APOL3: variants seen among roughly 807,000 people sequenced by gnomAD.
APOL3 encodes TNF-inducible protein CG12-1.
A neutral mutation model predicts 11.6 loss-of-function variants in APOL3; 14 were observed. The observed-to-expected ratio is 1.21, with a 90% CI of 0.80 to 1.89. The LOEUF (loss-of-function observed/expected upper bound fraction) is 1.89, where lower values mean the gene tolerates loss of function less well. Among genes scored for constraint, APOL3 ranks in the 40% most tolerant of loss-of-function variants. The pLI, the probability that APOL3 is intolerant of heterozygous loss-of-function variation, is 0.00. For missense variants in APOL3, 483 were observed against 492.1 expected (o/e 0.98, Z 0.17); for synonymous variants, 192 against 190.6 (o/e 1.01, Z -0.06).
At chr22:36,147,581 G>A (rs2060267521) in intron 1 of APOL3, among the ~76,000 whole-genome samples, 1 of 152,178 alleles carries the variant, frequency 6.6e-6, no homozygotes, top group South Asian at 2.1e-4. Context: ...GTCCAGGGCG[G>A]CTCCTGAGCA....
At chr22:36,153,547 G>A in intron 1 of APOL3, 1 of 379,982 alleles carries the variant, frequency 2.6e-6, no homozygotes, top group Middle Eastern at 5.0e-4. Context: ...TCAACATACG[G>A]GCTTCTTTTC....
In APOL3 at chr22:36,141,358, G is replaced by A. The variant is rs1249588397; in HGVS notation, c.1051C>T (p.Leu351=). ...TCGTATACAAGGTTGACCACATCCAGTGCAAGGAAGATGCCTGAAGTGGTC... is the reference window on the plus strand; with the variant it reads ...TCGTATACAAGGTTGACCACATCCAATGCAAGGAAGATGCCTGAAGTGGTC... The change falls in exon 3 of 3, where the codon CTG becomes TTG. Residue 351 remains leucine, a synonymous_variant. Transcript: ENST00000349314. The A allele has an allele frequency of 2.5e-6, 4 of 1,614,184 alleles. No individual in the cohort carries two copies. In the East Asian group the frequency reaches 6.7e-5, roughly 27 times the overall value.
chr22:36,153,221 T>C, intron 1 of APOL3: 1 of 329,368 alleles, frequency 3.0e-6, no homozygotes, highest in South Asian at 2.5e-5. Context: ...TATACACTTA[T>C]TAATTGATTT....
intron 1 of APOL3, chr22:36,149,479 C>A: frequency 9.6e-7 from 1 of 1,041,760 alleles, no homozygotes. Context: ...AACGTTCTGA[C>A]AATGACCTGG....
exon 3 of APOL3, chr22:36,141,257 C>T (rs1196722711): frequency 1.9e-6 from 3 of 1,614,114 alleles, no homozygotes; most frequent in Admixed American, 1.7e-5. Context: ...CCATTAGATT[C>T]TCCTCCAGCT....
intron 2 of APOL3, among the ~76,000 whole-genome samples, chr22:36,144,810 C>T (rs1305179512): frequency 6.6e-6 from 1 of 151,948 alleles, no homozygotes. Context: ...GAGATCAAGA[C>T]CATCCTGGCT....
chr22:36,155,379 T>G (rs2012596686), intron 1 of APOL3, among the ~76,000 whole-genome samples: 1 of 152,192 alleles, frequency 6.6e-6, no homozygotes, highest in Non-Finnish European at 1.5e-5. Flanking sequence ...CAAGGTCATG[T>G]GTAGAAGCAT....
chr22:36,159,071 G>A (rs2013377843), intron 1 of APOL3, among the ~76,000 whole-genome samples: 1 of 152,128 alleles, frequency 6.6e-6, no homozygotes, highest in Admixed American at 6.5e-5. Context: ...TTGCACCTGA[G>A]TTTATAGCAA....
intron 1 of APOL3, chr22:36,156,015 G>T: frequency 3.6e-6 from 1 of 281,188 alleles, no homozygotes. Context: ...GCAGCTCCCT[G>T]CAAGTGGCTG....
chr22:36,156,742 GCTCTAC>G, intron 1 of APOL3: 1 of 316,144 alleles, frequency 3.2e-6, no homozygotes, highest in Non-Finnish European at 6.4e-6. Context: ...TCCGGGGGCA[GCTCTAC>G]CTCTGTGTGG....
intron 2 of APOL3, among the ~76,000 whole-genome samples, chr22:36,145,012 AAAAAAAAAAAAAAG>A (rs1384721456): frequency 2.4e-5 from 3 of 126,668 alleles, no homozygotes; most frequent in African/African-American, 6.6e-5. Flanking sequence ...TCTGTCTCAA[AAAAAAAAAAAAAAG>A]AAAAAAAAAG....
exon 3 of APOL3, chr22:36,141,895 C>G: frequency 6.2e-7 from 1 of 1,614,230 alleles, no homozygotes; most frequent in Non-Finnish European, 8.5e-7. Flanking sequence ...TTTGCAAGGG[C>G]ACGAAGCTTT....
At chr22:36,164,676 G>A (rs975118045), upstream of APOL3, 1 of 151,944 alleles carries the variant, frequency 6.6e-6, no homozygotes, top group Non-Finnish European at 1.5e-5. Flanking sequence ...CAGCTATTCT[G>A]GATCTACCCT....
At chr22:36,163,419 G>A (rs541356987), upstream of APOL3, among the ~76,000 whole-genome samples, 6 of 152,220 alleles carry the variant, frequency 3.9e-5, no homozygotes, top group Admixed American at 6.5e-5. Flanking sequence ...CACCCCACCC[G>A]AGGCCCCCTC....
At chr22:36,149,764 T>C (rs1347838230) in intron 1 of APOL3, 2 of 449,026 alleles carry the variant, frequency 4.5e-6, no homozygotes, top group Admixed American at 2.4e-5. Flanking sequence ...TATTGACTCA[T>C]GCATACATGC....
upstream of APOL3, among the ~76,000 whole-genome samples, chr22:36,162,011 G>T (rs191222425): frequency 8.9e-3 from 1,351 of 152,224 alleles, 16 homozygotes; most frequent in African/African-American, 0.03. Flanking sequence ...AAACCTTCTG[G>T]CGGCGGGTGC....
At chr22:36,159,619 G>T (rs371769864) in intron 1 of APOL3, 1 of 152,204 alleles carries the variant, frequency 6.6e-6, no homozygotes, top group South Asian at 2.1e-4. Context: ...CACTGCCCCT[G>T]TCTGGGCCAT....
chr22:36,161,502 C>T (rs132655), upstream of APOL3: 81,171 of 154,060 alleles, frequency 0.53, 22,660 homozygotes, highest in East Asian at 0.85. Flanking sequence ...CTTCTGGACA[C>T]TTCCTTATGT....
chr22:36,141,707 C>G (rs1228877236), exon 3 of APOL3: 7 of 1,614,068 alleles, frequency 4.3e-6, no homozygotes, highest in Non-Finnish European at 5.9e-6. Flanking sequence ...TGGTGGTGAT[C>G]CCAGTCACAG....
Sources: allele counts gnomAD v4.1 joint callset (sites outside exome capture counted in the v4.1 genomes callset), GRCh38; gene constraint gnomAD v4.1.1; transcripts MANE v1.5; gene names NCBI Gene and HGNC (gene_info 2026-07-23, HGNC 2026-07-21).